The following GRM1 variants were observed in gnomAD, a reference collection of about 807,000 sequenced individuals.
GRM1 encodes glutamate metabotropic receptor 1.
Under a neutral mutation model 90.9 loss-of-function variants are expected in GRM1, and 33 were observed. That is an observed-to-expected ratio of 0.36 (90% CI 0.28 to 0.49). The LOEUF (loss-of-function observed/expected upper bound fraction) is 0.49. Ranked by LOEUF, GRM1 falls within the 20% of genes least tolerant of loss-of-function variation. The pLI, the probability that GRM1 is intolerant of heterozygous loss-of-function variation, is 0.99. For missense variants in GRM1, 1,190 were observed against 1,534.3 expected (o/e 0.78, Z 3.75); for synonymous variants, 700 against 613.2 (o/e 1.14, Z -2.09).
chr6:146,255,349 A>G lies in GRM1; in HGVS notation c.951-49262A>G, dbSNP rs117679214. Among the ~76,000 whole-genome samples the G allele has an allele frequency of 3.9e-3, 594 of 152,274 alleles. 3 individuals are homozygous for G. The highest frequency in any genetic ancestry group is 6.8e-3 in the Middle Eastern group (2 of 294). Reference sequence around the variant, plus strand: ...CAAAGCATTATTAGACTCATAATACATTTGACCAAAGATCTTCAATCTAAT... The same window carrying G: ...CAAAGCATTATTAGACTCATAATACGTTTGACCAAAGATCTTCAATCTAAT... On this transcript the variant is annotated intron_variant, in intron 2 of 7. Transcript: ENST00000282753.
At chr6:146,345,543 C>T (rs187789943) in intron 3 of GRM1, among the ~76,000 whole-genome samples, 9 of 152,290 alleles carry the variant, frequency 5.9e-5, no homozygotes, top group African/African-American at 1.9e-4. Flanking sequence ...GTTATTAGCT[C>T]AGCCTAAATC....
At chr6:146,244,568 C>T (rs1408850081) in intron 2 of GRM1, among the ~76,000 whole-genome samples, 2 of 152,154 alleles carry the variant, frequency 1.3e-5, no homozygotes, top group African/African-American at 4.8e-5. Flanking sequence ...AATCAGTTGG[C>T]AACAGTTACC....
chr6:146,273,956 A>T (rs919117850), intron 2 of GRM1, among the ~76,000 whole-genome samples: 7 of 152,230 alleles, frequency 4.6e-5, no homozygotes, highest in African/African-American at 1.7e-4. Context: ...TCTTTTGTTA[A>T]AATGTTCTGC....
intron 3 of GRM1, among the ~76,000 whole-genome samples, chr6:146,329,428 C>G (rs1238937486): frequency 6.6e-6 from 1 of 152,154 alleles, no homozygotes; most frequent in Non-Finnish European, 1.5e-5. Context: ...GGATTAAGGT[C>G]ATGAGCAGTT....
chr6:146,176,604 C>T (rs1778346521), intron 2 of GRM1, among the ~76,000 whole-genome samples: 1 of 151,976 alleles, frequency 6.6e-6, no homozygotes, highest in Non-Finnish European at 1.5e-5. Flanking sequence ...GTAGAATCAA[C>T]AGCTCAAAAT....
chr6:146,260,804 G>GTTTTTTTTTTTTTTTTTT (rs56956724), intron 2 of GRM1, among the ~76,000 whole-genome samples: 2 of 22,740 alleles, frequency 8.8e-5, no homozygotes, highest in African/African-American at 3.4e-4. Flanking sequence ...GGTTATTTGG[G>GTTTTTTTTTTTTTTTTTT]TTTTTTTTTT....
At chr6:146,280,411 T>C (rs1216370654) in intron 2 of GRM1, among the ~76,000 whole-genome samples, 1 of 152,158 alleles carries the variant, frequency 6.6e-6, no homozygotes, top group East Asian at 1.9e-4. Flanking sequence ...ATTGCTCTGA[T>C]TAGTATCATT....
chr6:146,434,604 G>C lies in GRM1; in HGVS notation c.3393G>C (p.Leu1131=). The C allele has an allele frequency of 6.2e-7, 1 of 1,613,448 alleles. No homozygotes were observed. The highest frequency in any genetic ancestry group is 8.5e-7 in the Non-Finnish European group (1 of 1,180,024). ...EDELEEEEED[L]QAASKLTPDD... is the part of the protein sequence containing the mutation. ...AACTGGAAGAGGAGGAGGAGGACCT[G>C]CAGGCGGCCAGCAAACTGACCCCGG... is the stretch of plus-strand genomic sequence containing the variant. Residue 1131 remains leucine, a synonymous_variant, in exon 8 of 8, where the codon CTG becomes CTC. Transcript: ENST00000282753.
intron 1 of GRM1, among the ~76,000 whole-genome samples, chr6:146,155,420 T>G (rs1225761592): frequency 6.6e-6 from 1 of 152,230 alleles, no homozygotes; most frequent in Non-Finnish European, 1.5e-5. Flanking sequence ...TAGTAGGTTA[T>G]GCCATCTATG....
chr6:146,297,222 G>A (rs1783208458), intron 2 of GRM1, among the ~76,000 whole-genome samples: 1 of 150,994 alleles, frequency 6.6e-6, no homozygotes, highest in Non-Finnish European at 1.5e-5. Flanking sequence ...GTACAGTGGC[G>A]CGATCTCAGC....
At chr6:146,329,697 A>G (rs1307720452) in intron 3 of GRM1, among the ~76,000 whole-genome samples, 1 of 152,182 alleles carries the variant, frequency 6.6e-6, no homozygotes, top group Non-Finnish European at 1.5e-5. Context: ...ATAAATCAAA[A>G]ATGTGTTGAA....
chr6:146,068,601 A>C (rs1001569237), intron 1 of GRM1, among the ~76,000 whole-genome samples: 1 of 152,226 alleles, frequency 6.6e-6, no homozygotes, highest in Non-Finnish European at 1.5e-5. Context: ...AATCTACAGA[A>C]TGAATAATCA....
intron 1 of GRM1, among the ~76,000 whole-genome samples, chr6:146,142,383 A>T (rs537722731): frequency 6.6e-6 from 1 of 152,254 alleles, no homozygotes; most frequent in South Asian, 2.1e-4. Flanking sequence ...TGGAACTCAC[A>T]CAAGACCCAC....
chr6:146,289,543 T>A (rs1583280255), intron 2 of GRM1, among the ~76,000 whole-genome samples: 1 of 152,192 alleles, frequency 6.6e-6, no homozygotes, highest in Non-Finnish European at 1.5e-5. Flanking sequence ...AGTACGTTTA[T>A]GTAGCCTAAA....
intron 1 of GRM1, among the ~76,000 whole-genome samples, chr6:146,070,987 C>G (rs189920828): frequency 1.3e-5 from 2 of 152,214 alleles, no homozygotes; most frequent in South Asian, 4.1e-4. Flanking sequence ...AAGAAACTAT[C>G]GAAATAATTA....
At chr6:146,150,932 G>GCA (rs1562494398) in intron 1 of GRM1, among the ~76,000 whole-genome samples, 2 of 32,744 alleles carry the variant, frequency 6.1e-5, no homozygotes, top group Non-Finnish European at 9.5e-5. Context: ...ACACACGCGT[G>GCA]TGCGCGCACA....
At chr6:146,332,567 G>C (rs184465654) in intron 3 of GRM1, among the ~76,000 whole-genome samples, 14 of 152,172 alleles carry the variant, frequency 9.2e-5, no homozygotes, top group Non-Finnish European at 1.5e-5. Flanking sequence ...GGCAGAGAAA[G>C]TTCTCACTTT....
intron 2 of GRM1, among the ~76,000 whole-genome samples, chr6:146,208,399 A>C (rs1779567233): frequency 6.6e-6 from 1 of 152,170 alleles, no homozygotes; most frequent in Non-Finnish European, 1.5e-5. Flanking sequence ...AAGCAGTAAA[A>C]ATTGTTTTAG....
At chr6:146,097,934 T>G (rs1776926241) in intron 1 of GRM1, among the ~76,000 whole-genome samples, 1 of 152,240 alleles carries the variant, frequency 6.6e-6, no homozygotes, top group African/African-American at 2.4e-5. Context: ...TCTACTGAAC[T>G]TAAATTCTGT....
Sources: gnomAD v4.1 joint callset for allele counts (sites outside exome capture counted in the v4.1 genomes callset) on GRCh38, gnomAD v4.1.1 for gene constraint, MANE v1.5 for transcripts, NCBI Gene and HGNC (gene_info 2026-07-23, HGNC 2026-07-21) for gene names.